The following GDPD5 variants were observed in gnomAD, a reference collection of about 807,000 sequenced individuals.
GDPD5 encodes glycerophosphodiester phosphodiesterase domain containing 5.
Under a neutral mutation model 75.1 loss-of-function variants are expected in GDPD5, and 48 were observed. The observed-to-expected ratio is 0.64, with a 90% CI of 0.51 to 0.81. GDPD5 has a LOEUF of 0.81. Among genes scored for constraint, GDPD5 ranks in the 40% least tolerant of loss-of-function variants. The pLI is 0.00. For missense variants in GDPD5, 706 were observed against 822.6 expected (o/e 0.86, Z 1.73); for synonymous variants, 336 against 339.0 (o/e 0.99, Z 0.10).
At chr11:75,445,586 C>A (rs575414335) in intron 9 of GDPD5, among the ~76,000 whole-genome samples, 143 of 152,328 alleles carry the variant, frequency 9.4e-4, no homozygotes, top group Middle Eastern at 6.8e-3. Flanking sequence ...AGGACACCCC[C>A]GATCCCCCTG....
At chr11:75,470,236 T>C (rs999930242) in intron 3 of GDPD5, among the ~76,000 whole-genome samples, 8 of 152,238 alleles carry the variant, frequency 5.3e-5, no homozygotes, top group Admixed American at 5.2e-4. Context: ...AGGCTTTATT[T>C]TGGGGAACTG....
At position 75,452,605 on chromosome 11, in the gene GDPD5, G is replaced by T. The variant is rs759272399; in HGVS notation, c.376-2622C>A. The stretch of plus-strand genomic sequence containing the variant: ...TGAACGCAGTGCCTGGCACACACAG[G>T]AGGTGCTCAGTGAATGCGCCTTCCT... On this transcript the variant is annotated intron_variant, in intron 6 of 16. Transcript: ENST00000336898. 5.9e-5 allele frequency among the ~76,000 whole-genome samples: 9 copies of T among 152,232 alleles called. 1 individual carries two copies. Among genetic ancestry groups the T allele is most frequent in the Non-Finnish European group, 1.0e-4 (7 of 68,040 alleles).
chr11:75,467,641 G>A lies in GDPD5; in HGVS notation c.118-4752C>T, dbSNP rs1949546698. On this transcript the variant is annotated intron_variant, in intron 3 of 16. Coordinates refer to ENST00000336898, the MANE Select transcript of GDPD5 (RefSeq NM_030792.8). ...CTGGAGACTGCCTAAGGAGGGACCA[G>A]ACAGGGCGAGCAGCTGGGGCAGGAG... 3.3e-5 allele frequency among the ~76,000 whole-genome samples: 5 copies of A among 152,218 alleles called. No individual in the cohort carries two copies. In the South Asian group the frequency reaches 1.0e-3, roughly 32 times the overall value.
chr11:75,453,612 T>A (rs1949219096), intron 6 of GDPD5, among the ~76,000 whole-genome samples: 1 of 111,586 alleles, frequency 9.0e-6, no homozygotes. Context: ...AGCAAGACTG[T>A]CTCTAAAAAA....
Position 75,449,981 on chromosome 11 carries a change from G to T in GDPD5, c.378C>A (p.Ile126=), listed in dbSNP as rs774908785. 1 of 1,613,328 alleles carries T rather than the reference G, an allele frequency of 6.2e-7. No individual in the cohort carries two copies. The highest frequency in any genetic ancestry group is 8.5e-7 in the Non-Finnish European group (1 of 1,179,790). ...TGGAAGCCAGGATGACCACCAGCCC[G>T]ATCTGGAGGGGGAAGAGTCACCGGA... The part of the protein sequence containing the change: ...QQMNLHWLHK[I]GLVVILASTV... The change falls in exon 7 of 17, where the codon ATC becomes ATA. Residue 126 remains isoleucine, a splice_region_variant and synonymous_variant. Coordinates refer to ENST00000336898, the MANE Select transcript of GDPD5 (RefSeq NM_030792.8).
At chr11:75,506,099 G>C (rs934300396) in intron 1 of GDPD5, among the ~76,000 whole-genome samples, 14 of 152,232 alleles carry the variant, frequency 9.2e-5, no homozygotes, top group Non-Finnish European at 2.1e-4. Context: ...GGGAGGGTCA[G>C]ATATGGCAAG....
chr11:75,483,133 G>A (rs1050053702), intron 2 of GDPD5, among the ~76,000 whole-genome samples: 6 of 151,922 alleles, frequency 3.9e-5, no homozygotes, highest in Non-Finnish European at 8.8e-5. Flanking sequence ...TCCAAGCTAC[G>A]TCCCAGGGCT....
chr11:75,468,405 C>T (rs541652321), intron 3 of GDPD5, among the ~76,000 whole-genome samples: 1 of 152,226 alleles, frequency 6.6e-6, no homozygotes, highest in Non-Finnish European at 1.5e-5. Context: ...CAGATGCTGC[C>T]TAGTCCTTCT....
intron 2 of GDPD5, among the ~76,000 whole-genome samples, chr11:75,482,230 C>T (rs1048441341): frequency 7.0e-4 from 107 of 152,280 alleles, no homozygotes; most frequent in African/African-American, 2.3e-3. Flanking sequence ...CCCAGAACTT[C>T]GCTGATACTG....
chr11:75,492,778 G>C (rs574765936), intron 1 of GDPD5, among the ~76,000 whole-genome samples: 1 of 152,136 alleles, frequency 6.6e-6, no homozygotes, highest in East Asian at 1.9e-4. Context: ...TGTTGCCCAG[G>C]TTATAATGCA....
intron 6 of GDPD5, among the ~76,000 whole-genome samples, chr11:75,454,339 A>C (rs1949239099): frequency 6.6e-6 from 1 of 152,270 alleles, no homozygotes; most frequent in African/African-American, 2.4e-5. Flanking sequence ...GGCTGACAAA[A>C]GCCAATAAAT....
intron 3 of GDPD5, among the ~76,000 whole-genome samples, chr11:75,470,393 T>C (rs1486045761): frequency 6.6e-6 from 1 of 152,242 alleles, no homozygotes; most frequent in Non-Finnish European, 1.5e-5. Flanking sequence ...GTCAAATCTA[T>C]CCCTCTTTTC....
At position 75,523,550 on chromosome 11, in the gene GDPD5, A is replaced by G. The variant is rs144751602; in HGVS notation, c.-145+1660T>C. Among the ~76,000 whole-genome samples, 1,261 of 152,306 alleles carry G rather than the reference A, an allele frequency of 8.3e-3. 4 individuals are homozygous for G. The highest frequency in any genetic ancestry group is 0.013 in the Non-Finnish European group (899 of 68,018). On this transcript the variant is annotated intron_variant, in intron 1 of 16. Coordinates refer to ENST00000336898, the MANE Select transcript of GDPD5 (RefSeq NM_030792.8). ...TGGCCCCACTAACTGAGCAGGTAAC[A>G]CACAGCCTGCCATAACCTATTTTAA...
At chr11:75,453,243 T>C (rs916469692) in intron 6 of GDPD5, among the ~76,000 whole-genome samples, 1 of 151,924 alleles carries the variant, frequency 6.6e-6, no homozygotes, top group African/African-American at 2.4e-5. Context: ...TGTGAATGGC[T>C]CCCTCTCACC....
chr11:75,440,481 CA>C (rs1948760927), intron 14 of GDPD5, among the ~76,000 whole-genome samples: 1 of 152,200 alleles, frequency 6.6e-6, no homozygotes, highest in African/African-American at 2.4e-5. Flanking sequence ...GTGGAGCCAC[CA>C]CCTATCTGCA....
At chr11:75,456,845 A>C (rs762763100) in intron 5 of GDPD5, 29 bp from the exon 6 acceptor site, 1 of 1,610,890 alleles carries the variant, frequency 6.2e-7, no homozygotes, top group South Asian at 1.1e-5. Context: ...GGTGATTGTC[A>C]GGCCCGTGTG....
At chr11:75,485,126 G>A (rs140437876) in intron 2 of GDPD5, among the ~76,000 whole-genome samples, 6 of 152,310 alleles carry the variant, frequency 3.9e-5, no homozygotes, top group East Asian at 1.9e-4. Context: ...ACTAAGTGAC[G>A]TTCTAGAAAA....
intron 10 of GDPD5, among the ~76,000 whole-genome samples, chr11:75,444,072 C>CT (rs1034603425): frequency 3.9e-5 from 6 of 152,154 alleles, no homozygotes; most frequent in African/African-American, 1.2e-4. Context: ...GTATATGTCA[C>CT]TTTTTTGTGG....
chr11:75,513,058 A>G (rs147580992), intron 1 of GDPD5, among the ~76,000 whole-genome samples: 2,814 of 152,332 alleles, frequency 0.018, 40 homozygotes, highest in Non-Finnish European at 0.027. Context: ...ACGTCTAGAC[A>G]GCATCACACG....
Sources: gnomAD v4.1 joint callset for allele counts (sites outside exome capture counted in the v4.1 genomes callset) on GRCh38, gnomAD v4.1.1 for gene constraint, MANE v1.5 for transcripts, NCBI Gene and HGNC (gene_info 2026-07-23, HGNC 2026-07-21) for gene names.